NCOA3: variants seen among roughly 807,000 people sequenced by gnomAD.
NCOA3 encodes nuclear receptor coactivator 3.
NCOA3 carries 51 observed loss-of-function variants against 158.8 expected under a neutral mutation model. That is an observed-to-expected ratio of 0.32 (90% CI 0.26 to 0.41). NCOA3 has a LOEUF of 0.41. Ranked by LOEUF, NCOA3 falls within the 10% of genes least tolerant of loss-of-function variation. The pLI, the probability that NCOA3 is intolerant of heterozygous loss-of-function variation, is 1.00. For synonymous variants in NCOA3, 537 were observed against 592.4 expected (o/e 0.91, Z 1.36); for missense variants, 1,510 against 1,746.6 (o/e 0.86, Z 2.41).
At chr20:47,558,366 G>A (rs1308340456) in intron 1 of NCOA3, among the ~76,000 whole-genome samples, 1 of 149,502 alleles carries the variant, frequency 6.7e-6, no homozygotes, top group Non-Finnish European at 1.5e-5. Flanking sequence ...ACAGACGTGA[G>A]CCACCGCGCC....
chr20:47,504,619 A>T (rs914646138), intron 1 of NCOA3, among the ~76,000 whole-genome samples: 1 of 151,500 alleles, frequency 6.6e-6, no homozygotes, highest in Non-Finnish European at 1.5e-5. Context: ...CCTGGCAAAG[A>T]TGGTGAAACC....
chr20:47,620,107 A>G (rs2086212525), intron 2 of NCOA3, among the ~76,000 whole-genome samples: 1 of 151,412 alleles, frequency 6.6e-6, no homozygotes, highest in African/African-American at 2.4e-5. Context: ...TAATTATTCA[A>G]TTTATTATTA....
At chr20:47,560,681 A>G (rs769669280) in intron 1 of NCOA3, among the ~76,000 whole-genome samples, 4 of 152,134 alleles carry the variant, frequency 2.6e-5, no homozygotes, top group Non-Finnish European at 5.9e-5. Flanking sequence ...TATTTGCTAT[A>G]TGTGTATCTT....
In NCOA3 at chr20:47,639,826, A is replaced by C. The variant is rs1265775573; in HGVS notation, c.2953+4A>C. On this transcript the variant is annotated splice_donor_region_variant and intron_variant, in intron 15 of 22. Coordinates refer to ENST00000371998, the MANE Select transcript of NCOA3 (RefSeq NM_181659.3). ...CAGCAGCAGATGCTTCAAATGAGTA[A>C]GTGTCCACCCTCCCCTCTTCATGAA... is the stretch of plus-strand genomic sequence containing the variant. The C allele has an allele frequency of 6.2e-7, 1 of 1,613,610 alleles. No individual in the cohort carries two copies. The highest frequency in any genetic ancestry group is 1.1e-5 in the South Asian group (1 of 91,080).
chr20:47,575,114 A>G (rs2085352255), intron 1 of NCOA3, among the ~76,000 whole-genome samples: 1 of 152,296 alleles, frequency 6.6e-6, no homozygotes, highest in South Asian at 2.1e-4. Flanking sequence ...GCCTTATGCT[A>G]GAGCCTAGTT....
At position 47,655,885 on chromosome 20, in the gene NCOA3, T is replaced by TTA. The variant is rs1339301971; in HGVS notation, c.*2472_*2473dup. On this transcript the variant is annotated 3_prime_UTR_variant, in exon 23 of 23. Coordinates refer to ENST00000371998, the MANE Select transcript of NCOA3 (RefSeq NM_181659.3). ...GAAAAATGAAGTTTATTATAAGTTT[T>TTA]TATATTTTCTACTTGTTCATTTGGT... The TTA allele has an allele frequency of 5.2e-5, 8 of 152,510 alleles. No individual in the cohort carries two copies. The highest frequency in any genetic ancestry group is 1.9e-4 in the African/African-American group (8 of 41,444). The allele number at this position is 152,510 out of a possible 1,614,324, so 9.4% of individuals were successfully genotyped here.
Position 47,625,488 on chromosome 20 carries a change from A to G in NCOA3, c.357+7A>G, listed in dbSNP as rs541838849. The G allele has an allele frequency of 6.3e-7, 1 of 1,579,286 alleles. No individual in the cohort carries two copies. The highest frequency in any genetic ancestry group is 1.1e-5 in the South Asian group (1 of 90,404). On this transcript the variant is annotated splice_region_variant and intron_variant, in intron 5 of 22. Transcript: ENST00000371998. ...AGGACCGCTTTTACTTCAGGCAAGT[A>G]TAAAGATTTTAACTGTCCAGTAGGC...
chr20:47,639,383 G>A (rs891190442), intron 14 of NCOA3, among the ~76,000 whole-genome samples, 181 bp downstream of exon 14: 5 of 151,986 alleles, frequency 3.3e-5, no homozygotes, highest in African/African-American at 1.2e-4. Flanking sequence ...GAGTCTTTTG[G>A]TCTATGACAT....
At chr20:47,551,067 T>C (rs1252038200) in intron 1 of NCOA3, among the ~76,000 whole-genome samples, 2 of 152,136 alleles carry the variant, frequency 1.3e-5, no homozygotes, top group African/African-American at 4.8e-5. Context: ...CATGATTAAA[T>C]TCTGGGGAAG....
At chr20:47,628,541 A>G (rs2146308138) in intron 8 of NCOA3, 1 of 153,058 alleles carries the variant, frequency 6.5e-6, no homozygotes, top group East Asian at 1.9e-4. Flanking sequence ...CCTCCCAAAC[A>G]GTTTGGACTA....
Position 47,641,490 on chromosome 20 carries a change from C to CTTTTTTTTTTT in NCOA3, c.3081-705_3081-695dup, listed in dbSNP as rs71183270. On this transcript the variant is annotated intron_variant, in intron 16 of 22. Coordinates refer to ENST00000371998, the MANE Select transcript of NCOA3 (RefSeq NM_181659.3). The stretch of plus-strand genomic sequence containing the variant: ...GTCAGCCACCACGCCTGGCTCCCTT[C>CTTTTTTTTTTT]TTTTTTTTTTTTTTTTTTTTTTTTT... Among the ~76,000 whole-genome samples, 251 of 48,374 alleles carry CTTTTTTTTTTT rather than the reference C, an allele frequency of 5.2e-3. 27 individuals carry two copies. Among genetic ancestry groups the CTTTTTTTTTTT allele is most frequent in the African/African-American group, 6.3e-3 (53 of 8,406 alleles). The allele number at this position is 48,374 out of a possible 152,430, so 31.7% of individuals were successfully genotyped here.
In NCOA3 at chr20:47,642,458, A is replaced by G. The variant is rs2086626596; in HGVS notation, c.3252+74A>G. On this transcript the variant is annotated intron_variant, in intron 17 of 22. Coordinates refer to ENST00000371998, the MANE Select transcript of NCOA3 (RefSeq NM_181659.3). ...CGCGCGTACACATTCATGAAGCCAC[A>G]TACAAGAATGCCTGTGTGTGTCTCT... The G allele has an allele frequency of 2.1e-5, 22 of 1,026,830 alleles. No individual in the cohort carries two copies. The South Asian group carries it at 5.6e-4, about 26-fold the overall frequency. 63.6% of individuals were successfully genotyped at this position (1,026,830 alleles called of 1,614,324 possible). A position where few individuals can be genotyped will look rare whatever the true frequency, so the allele number is the denominator to read the frequency against.
chr20:47,586,214 C>T (rs923633118), intron 2 of NCOA3, among the ~76,000 whole-genome samples: 13 of 152,038 alleles, frequency 8.6e-5, no homozygotes, highest in African/African-American at 1.7e-4. Context: ...CCACTGTGCT[C>T]GGCCAATTTT....
chr20:47,516,801 C>T (rs118025367), intron 1 of NCOA3, among the ~76,000 whole-genome samples: 6,256 of 152,072 alleles, frequency 0.041, 225 homozygotes, highest in Non-Finnish European at 0.061. Flanking sequence ...GTGGCACACA[C>T]CTGTAGTCCA....
At chr20:47,571,297 G>A (rs899418299) in intron 1 of NCOA3, among the ~76,000 whole-genome samples, 1 of 150,670 alleles carries the variant, frequency 6.6e-6, no homozygotes, top group Non-Finnish European at 1.5e-5. Flanking sequence ...GAGCCACCGT[G>A]CCCGGCTAAT....
chr20:47,645,160 G>A (rs1409178723), intron 17 of NCOA3, among the ~76,000 whole-genome samples: 9 of 152,064 alleles, frequency 5.9e-5, no homozygotes, highest in Admixed American at 5.9e-4. Context: ...TTATAAATAT[G>A]CTAAATATAA....
intron 11 of NCOA3, 60 bp from the exon 12 acceptor site, chr20:47,635,831 T>G: frequency 6.6e-7 from 1 of 1,518,334 alleles, no homozygotes; most frequent in Admixed American, 2.2e-5. Flanking sequence ...AGAATTAAGT[T>G]GTATTTTGTT....
chr20:47,571,302 G>A (rs998166892), intron 1 of NCOA3, among the ~76,000 whole-genome samples: 5 of 150,948 alleles, frequency 3.3e-5, no homozygotes, highest in African/African-American at 1.2e-4. Flanking sequence ...ACCGTGCCCG[G>A]CTAATTTTCT....
intron 2 of NCOA3, among the ~76,000 whole-genome samples, chr20:47,588,233 C>A (rs1373949899): frequency 7.3e-6 from 1 of 136,216 alleles, no homozygotes; most frequent in Non-Finnish European, 1.5e-5. Flanking sequence ...CTTCTGGGTT[C>A]ATGGGATTCT....
Sources: allele counts gnomAD v4.1 joint callset (sites outside exome capture counted in the v4.1 genomes callset), GRCh38; gene constraint gnomAD v4.1.1; transcripts MANE v1.5; gene names NCBI Gene and HGNC (gene_info 2026-07-23, HGNC 2026-07-21).